CFTR: variants seen among roughly 807,000 people sequenced by gnomAD.
CFTR encodes cystic fibrosis transmembrane conductance regulator.
Under a neutral mutation model 171.6 loss-of-function variants are expected in CFTR, and 181 were observed. The observed-to-expected ratio is 1.05, with a 90% CI of 0.93 to 1.19. The LOEUF is 1.19. Among genes scored for constraint, CFTR ranks in the 50% most tolerant of loss-of-function variants. The probability of loss-of-function intolerance (pLI) is 0.00; values close to 1 mark genes in which losing one functional copy is unlikely to be tolerated. For missense variants in CFTR, 1,968 were observed against 1,734.7 expected, an observed-to-expected ratio of 1.13 and a Z score of -2.39; for synonymous variants, 583 against 608.0, an observed-to-expected ratio of 0.96 and a Z score of 0.60.
intron 20 of CFTR, among the ~76,000 whole-genome samples, chr7:117,612,234 T>TACACACAC (rs112904263): frequency 0.2 from 28,548 of 140,856 alleles, 3,069 homozygotes; most frequent in Non-Finnish European, 0.22. Context: ...CATCCGCATT[T>TACACACAC]ACACACACAC....
intron 26 of CFTR, 67 bp downstream of exon 26, chr7:117,665,631 G>A (rs147370737): frequency 1.7e-4 from 165 of 990,704 alleles, no homozygotes; most frequent in African/African-American, 1.3e-3. Context: ...TCTCACATGT[G>A]ATAGTTCCTG....
At chr7:117,552,039 G>C (rs931943471) in intron 10 of CFTR, among the ~76,000 whole-genome samples, 9 of 152,068 alleles carry the variant, frequency 5.9e-5, no homozygotes, top group Non-Finnish European at 1.3e-4. Context: ...AATTTTGGGA[G>C]ATATGAAGTT....
At chr7:117,563,183 T>C (rs564031093) in intron 11 of CFTR, among the ~76,000 whole-genome samples, 1 of 152,340 alleles carries the variant, frequency 6.6e-6, no homozygotes, top group African/African-American at 2.4e-5. Context: ...TTAACCTTGC[T>C]ATGTCTTTAG....
intron 2 of CFTR, among the ~76,000 whole-genome samples, chr7:117,504,722 C>T (rs1798387157): frequency 6.8e-6 from 1 of 147,834 alleles, no homozygotes; most frequent in Non-Finnish European, 1.5e-5. Context: ...CCACTGCACT[C>T]CAGCTTGGGT....
intron 1 of CFTR, among the ~76,000 whole-genome samples, chr7:117,484,806 T>G (rs964326604): frequency 6.6e-6 from 1 of 152,100 alleles, no homozygotes; most frequent in East Asian, 1.9e-4. Context: ...TTGAAGTTTA[T>G]TCCTATAGTT....
intron 15 of CFTR, among the ~76,000 whole-genome samples, chr7:117,600,734 C>A (rs564526529): frequency 6.6e-6 from 1 of 151,974 alleles, no homozygotes; most frequent in African/African-American, 2.4e-5. Context: ...ATTCTTAAAG[C>A]CCTGAGAAAA....
chr7:117,617,775 T>C (rs979893381), intron 21 of CFTR, among the ~76,000 whole-genome samples: 3 of 152,086 alleles, frequency 2.0e-5, no homozygotes, highest in African/African-American at 7.2e-5. Context: ...ATACTTTCCC[T>C]TGATCTCCAG....
At chr7:117,514,035 C>T (rs372742685) in intron 3 of CFTR, among the ~76,000 whole-genome samples, 81 of 152,190 alleles carry the variant, frequency 5.3e-4, no homozygotes, top group African/African-American at 1.8e-3. Flanking sequence ...ATTCCCCAAG[C>T]GATTCTAATT....
Position 117,665,538 on chromosome 7 carries a change from G to C in CFTR, c.4216G>C (p.Ala1406Pro). The C allele has an allele frequency of 6.2e-7, 1 of 1,612,638 alleles. No homozygotes were observed. The highest frequency in any genetic ancestry group is 8.5e-7 in the Non-Finnish European group (1 of 1,178,824). ...AATTCTCTGTGAACACAGGATAGAA[G>C]CAATGCTGGAATGCCAACAATTTTT... ...TVILCEHRIE[A>P]MLECQQFLVI... Residue 1406 changes from alanine (A) to proline (P), a missense_variant, in exon 26 of 27, where the codon GCA becomes CCA. Ala to Pro is a conservative substitution (Grantham distance 27). Coordinates refer to ENST00000003084, the MANE Select transcript of CFTR (RefSeq NM_000492.4).
intron 24 of CFTR, among the ~76,000 whole-genome samples, chr7:117,664,118 T>C (rs1249478767): frequency 1.3e-5 from 2 of 152,180 alleles, no homozygotes; most frequent in African/African-American, 4.8e-5. Context: ...AAGAGATGAA[T>C]AGCAATTTTC....
chr7:117,585,591 C>T lies in CFTR; in HGVS notation c.1585-2148C>T, dbSNP rs116259564. Among the ~76,000 whole-genome samples the T allele has an allele frequency of 7.2e-3, 1,102 of 152,190 alleles. 10 individuals carry two copies. Among genetic ancestry groups the T allele is most frequent in the African/African-American group, 0.025 (1,052 of 41,550 alleles). ...TCATACAAGGCAAAAGCAAACCATT[C>T]TCTTCATTCTCTTTTTTTCTCCAAA... is the stretch of plus-strand genomic sequence containing the variant. On this transcript the variant is annotated intron_variant, in intron 11 of 26. Coordinates refer to ENST00000003084, the MANE Select transcript of CFTR (RefSeq NM_000492.4).
intron 21 of CFTR, 39 bp from the exon 22 acceptor site, chr7:117,627,482 GC>G: frequency 3.1e-6 from 5 of 1,608,576 alleles, no homozygotes; most frequent in Non-Finnish European, 4.3e-6. Flanking sequence ...GAAATTGTCT[GC>G]CATTCTTAAA....
Position 117,592,317 on chromosome 7 carries a change from C to T in CFTR, c.2150C>T (p.Thr717Ile), listed in dbSNP as rs767516547. The T allele has an allele frequency of 1.2e-6, 2 of 1,614,108 alleles. No individual in the cohort carries two copies. The highest frequency in any genetic ancestry group is 1.7e-6 in the Non-Finnish European group (2 of 1,180,006). Residue 717 changes from threonine (T) to isoleucine (I), a missense_variant, in exon 14 of 27, where the codon ACT becomes ATT. Coordinates refer to ENST00000003084, the MANE Select transcript of CFTR (RefSeq NM_000492.4). ...SIRKFSIVQK[T>I]PLQMNGIEED... ...CGAAAATTTTCCATTGTGCAAAAGA[C>T]TCCCTTACAAATGAATGGCATCGAA...
chr7:117,554,818 C>T (rs1039346680), intron 10 of CFTR, among the ~76,000 whole-genome samples: 6 of 151,970 alleles, frequency 3.9e-5, no homozygotes, highest in East Asian at 1.9e-4. Flanking sequence ...TATAATTAAC[C>T]GGTGTCTTCT....
At position 117,612,023 on chromosome 7, in the gene CFTR, G is replaced by GTATATATATATA. The variant is rs772661286; in HGVS notation, c.3367+234_3367+245dup. 7.3e-3 allele frequency among the ~76,000 whole-genome samples: 389 copies of GTATATATATATA among 53,110 alleles called. 22 individuals carry two copies. The highest frequency in any genetic ancestry group is 0.01 in the Non-Finnish European group (316 of 31,116). 34.8% of individuals were successfully genotyped at this position (53,110 alleles called of 152,430 possible). A position where few individuals can be genotyped will look rare whatever the true frequency, so the allele number is the denominator to read the frequency against. On this transcript the variant is annotated intron_variant, in intron 20 of 26. Coordinates refer to ENST00000003084, the MANE Select transcript of CFTR (RefSeq NM_000492.4). Reference sequence around the variant, plus strand: ...TGAAATCGGATATATATATATATATGTATATATATATATATATATATATAT... The same window carrying GTATATATATATA: ...TGAAATCGGATATATATATATATATGTATATATATATATATATATATATATATATATATATAT...
chr7:117,654,839 G>A (rs183593750), intron 24 of CFTR, among the ~76,000 whole-genome samples: 84 of 152,322 alleles, frequency 5.5e-4, no homozygotes, highest in Admixed American at 2.5e-3. Context: ...AGTCTGCAAT[G>A]TGAGGTGGCA....
chr7:117,611,552 G>C, intron 19 of CFTR, 29 bp from the exon 20 acceptor site: 1 of 1,263,052 alleles, frequency 7.9e-7, no homozygotes, highest in Non-Finnish European at 1.2e-6. Flanking sequence ...TATGTTATTT[G>C]CAATGTTTTC....
intron 3 of CFTR, among the ~76,000 whole-genome samples, chr7:117,530,588 G>A (rs1285160986): frequency 6.6e-6 from 1 of 152,094 alleles, no homozygotes; most frequent in Non-Finnish European, 1.5e-5. Context: ...ACTGTTAAGT[G>A]CTATGTAGAT....
chr7:117,625,739 T>G (rs988525526), intron 21 of CFTR, among the ~76,000 whole-genome samples: 3 of 152,162 alleles, frequency 2.0e-5, no homozygotes, highest in African/African-American at 7.2e-5. Context: ...ATAAATACAA[T>G]AAGATATTTT....
Sources: gnomAD v4.1 joint callset for allele counts (sites outside exome capture counted in the v4.1 genomes callset) on GRCh38, gnomAD v4.1.1 for gene constraint, MANE v1.5 for transcripts, NCBI Gene and HGNC (gene_info 2026-07-23, HGNC 2026-07-21) for gene names.